The following CLASP1 variants were observed in gnomAD, a reference collection of about 807,000 sequenced individuals.
CLASP1 encodes the protein cytoplasmic linker associated protein 1.
In CLASP1, 38 loss-of-function variants were observed where a neutral mutation model predicts 192.3. That is an observed-to-expected ratio of 0.20 (90% confidence interval 0.15 to 0.26). The LOEUF (loss-of-function observed/expected upper bound fraction) is 0.26, where lower values mean the gene tolerates loss of function less well. Ranked by LOEUF, CLASP1 falls within the 10% of genes least tolerant of loss-of-function variation. The pLI, the probability that CLASP1 is intolerant of heterozygous loss-of-function variation, is 1.00. For synonymous variants in CLASP1, 691 were observed against 712.8 expected (o/e 0.97, Z 0.49); for missense variants, 1,433 against 1,932.5 (o/e 0.74, Z 4.85).
intron 1 of CLASP1, among the ~76,000 whole-genome samples, chr2:121,634,559 A>C (rs1350061974): frequency 6.6e-6 from 1 of 152,208 alleles, no homozygotes. Flanking sequence ...GTAACTCTAC[A>C]ATTAAACTAA....
At chr2:121,649,404 A>C (rs2073795395) in exon 1 of CLASP1, 1 of 148,842 alleles carries the variant, frequency 6.7e-6, no homozygotes, top group Non-Finnish European at 1.5e-5. Context: ...GCCGCTGCGG[A>C]CCAGAGAGCC....
chr2:121,450,432 G>A (rs1267971881), intron 16 of CLASP1, among the ~76,000 whole-genome samples: 1 of 152,104 alleles, frequency 6.6e-6, no homozygotes, highest in East Asian at 1.9e-4. Flanking sequence ...CACTTGTTGA[G>A]ACAGAAACAA....
chr2:121,568,079 T>C (rs1242567559), intron 2 of CLASP1, among the ~76,000 whole-genome samples: 3 of 152,168 alleles, frequency 2.0e-5, no homozygotes, highest in Non-Finnish European at 4.4e-5. Flanking sequence ...TAACATGCAT[T>C]GAACAGCACC....
intron 9 of CLASP1, among the ~76,000 whole-genome samples, chr2:121,467,393 C>T (rs189094106): frequency 8.5e-5 from 13 of 152,294 alleles, no homozygotes; most frequent in African/African-American, 2.9e-4. Context: ...ACACTGTCTT[C>T]CACAGTGGTT....
At chr2:121,568,540 T>A (rs2059707265) in intron 2 of CLASP1, among the ~76,000 whole-genome samples, 1 of 150,966 alleles carries the variant, frequency 6.6e-6, no homozygotes, top group East Asian at 1.9e-4. Flanking sequence ...AGTAACACGC[T>A]CACAACTGAA....
intron 1 of CLASP1, among the ~76,000 whole-genome samples, chr2:121,609,246 A>G (rs889610821): frequency 2.6e-5 from 4 of 152,218 alleles, no homozygotes; most frequent in Non-Finnish European, 5.9e-5. Context: ...TTATAAATAT[A>G]TATCATAAGA....
chr2:121,605,087 T>C (rs2064253238), intron 2 of CLASP1, among the ~76,000 whole-genome samples: 1 of 152,174 alleles, frequency 6.6e-6, no homozygotes. Flanking sequence ...ATGGTCAACC[T>C]TCACGACTCA....
intron 2 of CLASP1, among the ~76,000 whole-genome samples, chr2:121,576,799 T>C (rs1301511141): frequency 6.6e-6 from 1 of 152,222 alleles, no homozygotes; most frequent in Non-Finnish European, 1.5e-5. Context: ...CTACCTTTCC[T>C]ATACAGAATG....
At chr2:121,634,747 G>A (rs992795067) in intron 1 of CLASP1, among the ~76,000 whole-genome samples, 2 of 152,068 alleles carry the variant, frequency 1.3e-5, no homozygotes, top group African/African-American at 4.8e-5. Flanking sequence ...CGCTCAATCA[G>A]CAGTAAGCCC....
chr2:121,428,921 A>G (rs920445547), intron 20 of CLASP1, among the ~76,000 whole-genome samples: 2 of 152,176 alleles, frequency 1.3e-5, no homozygotes, highest in Non-Finnish European at 2.9e-5. Flanking sequence ...CAACGAAACA[A>G]TGGCTCACAA....
At chr2:121,401,632 A>G in exon 28 of CLASP1, 1 of 1,612,418 alleles carries the variant, frequency 6.2e-7, no homozygotes. Flanking sequence ...CTTATGAATT[A>G]TTATAAAATC....
chr2:121,567,924 C>T (rs913582231), intron 2 of CLASP1, among the ~76,000 whole-genome samples: 1 of 152,166 alleles, frequency 6.6e-6, no homozygotes, highest in African/African-American at 2.4e-5. Flanking sequence ...CTACTTCTAT[C>T]TTCCTAGATG....
At chr2:121,347,755 GTC>G (rs1294196455) in intron 38 of CLASP1, among the ~76,000 whole-genome samples, 2 of 152,176 alleles carry the variant, frequency 1.3e-5, no homozygotes, top group Admixed American at 6.5e-5. Context: ...GGACTCTTCA[GTC>G]TCTGTGCCTT....
At chr2:121,341,285 C>T (rs1164550294) in intron 39 of CLASP1, among the ~76,000 whole-genome samples, 2 of 152,184 alleles carry the variant, frequency 1.3e-5, no homozygotes, top group African/African-American at 2.4e-5. Context: ...AGCACGACTG[C>T]AGCCCAAAGG....
At chr2:121,558,085 GAAA>G (rs397961554) in intron 2 of CLASP1, among the ~76,000 whole-genome samples, 1 of 79,354 alleles carries the variant, frequency 1.3e-5, no homozygotes. Context: ...GTCTCAAAAA[GAAA>G]AAAAAAAAAA....
chr2:121,421,408 C>T (rs550861561), intron 22 of CLASP1, among the ~76,000 whole-genome samples: 2 of 151,878 alleles, frequency 1.3e-5, no homozygotes, highest in East Asian at 1.9e-4. Context: ...CCGCCATGCC[C>T]GGCTAATTTT....
rs2059768390 is a variant in CLASP1, at chr2:121,569,157, C to T, written c.195+36544G>A. Reference sequence around the variant, plus strand: ...AAACTGCCATAAGAGGTCTCTGCCTCAAGAATCTTACATTCAAGTAGAAGG... The same window carrying T: ...AAACTGCCATAAGAGGTCTCTGCCTTAAGAATCTTACATTCAAGTAGAAGG... On this transcript the variant is annotated intron_variant, in intron 2 of 39. Transcript: ENST00000263710. Among the ~76,000 whole-genome samples the T allele has an allele frequency of 2.6e-5, 4 of 152,140 alleles. No individual in the cohort carries two copies. In the South Asian group the frequency reaches 8.3e-4, roughly 32 times the overall value.
intron 34 of CLASP1, among the ~76,000 whole-genome samples, chr2:121,370,648 C>G (rs114230709): frequency 6.6e-6 from 1 of 152,138 alleles, no homozygotes; most frequent in East Asian, 1.9e-4. Flanking sequence ...TCACTGCCAC[C>G]CTAGCTTTGC....
intron 28 of CLASP1, among the ~76,000 whole-genome samples, chr2:121,398,969 A>G (rs1047979335): frequency 2.6e-5 from 4 of 152,232 alleles, no homozygotes; most frequent in African/African-American, 9.7e-5. Context: ...TCTTGGCCAG[A>G]GAGTCAGTGC....
Sources: gnomAD v4.1 joint callset for allele counts (sites outside exome capture counted in the v4.1 genomes callset) on GRCh38, gnomAD v4.1.1 for gene constraint, MANE v1.5 for transcripts, NCBI Gene and HGNC (gene_info 2026-07-23, HGNC 2026-07-21) for gene names.